Variants in TIMD4 observed in about 807,000 individuals in gnomAD.
The protein encoded by TIMD4 is T-cell immunoglobulin and mucin domain-containing protein 4.
TIMD4 carries 31 observed loss-of-function variants against 41.2 expected under a neutral mutation model. The ratio of observed to expected loss-of-function variants is 0.75; its 90% confidence interval spans 0.57 to 1.01. TIMD4 has a LOEUF of 1.01. Ranked by LOEUF, TIMD4 falls within the 50% of genes least tolerant of loss-of-function variation. TIMD4 has a pLI of 0.00. For synonymous variants in TIMD4, 204 were observed against 177.1 expected, an observed-to-expected ratio of 1.15 and a Z score of -1.21; for missense variants, 479 against 472.5, an observed-to-expected ratio of 1.01 and a Z score of -0.13.
intron 5 of TIMD4, among the ~76,000 whole-genome samples, chr5:156,927,571 G>T (rs1444243104): frequency 1.3e-5 from 2 of 152,212 alleles, no homozygotes; most frequent in African/African-American, 4.8e-5. Flanking sequence ...CAGTTAGGAG[G>T]ATAAGGGAAG....
In TIMD4 at chr5:156,954,558, A is replaced by C. The variant is rs533342571; in HGVS notation, c.257T>G (p.Leu86Arg). Residue 86 changes from leucine to arginine, a missense_variant, in exon 2 of 9, where the codon CTT becomes CGT. Coordinates refer to ENST00000274532, the MANE Select transcript of TIMD4 (RefSeq NM_138379.3). ...VTSRKSAKYR[L>R]QGTIPRGDVS... is the part of the protein sequence containing the mutation. The stretch of plus-strand genomic sequence containing the variant: ...ATCACCTCTCGGGATAGTCCCCTGA[A>C]GTCTATATTTTGCTGACTTTCTTGA... 1.2e-6 allele frequency: 2 copies of C among 1,614,228 alleles called. No homozygotes were observed. Among genetic ancestry groups the C allele is most frequent in the Non-Finnish European group, 1.7e-6 (2 of 1,180,034 alleles).
chr5:156,949,798 G>A (rs1185802304), intron 3 of TIMD4, 67 bp from the exon 4 acceptor site: 1 of 934,458 alleles, frequency 1.1e-6, no homozygotes, highest in African/African-American at 1.7e-5. Context: ...GTGGGTGGTG[G>A]GATTTGGGAT....
intron 5 of TIMD4, among the ~76,000 whole-genome samples, chr5:156,945,357 G>A (rs909122866): frequency 6.6e-6 from 1 of 152,192 alleles, no homozygotes; most frequent in African/African-American, 2.4e-5. Context: ...TACATGCAAC[G>A]TGCATGGTGT....
chr5:156,920,487 G>A lies in TIMD4; in HGVS notation c.1029C>T (p.Thr343=), dbSNP rs1435945225. The change falls in exon 8 of 9, where the codon ACC becomes ACT. Residue 343 remains threonine, a synonymous_variant. Transcript: ENST00000274532. ...ACCTTGTGTGTTTCTGCGAACAATA[G>A]GTTTCCATGAGTTTCCCTGAAAAGA... ...AFLLRGKLME[T]YCSQKHTRLD... 1 of 1,614,052 alleles carries A rather than the reference G, an allele frequency of 6.2e-7. No individual in the cohort carries two copies. The highest frequency in any genetic ancestry group is 8.5e-7 in the Non-Finnish European group (1 of 1,179,932).
chr5:156,930,431 TAAC>T (rs1759426643), intron 5 of TIMD4, among the ~76,000 whole-genome samples: 2 of 152,226 alleles, frequency 1.3e-5, no homozygotes, highest in Admixed American at 1.3e-4. Context: ...CCTATACTGT[TAAC>T]AACCTCATTA....
intron 5 of TIMD4, among the ~76,000 whole-genome samples, chr5:156,933,378 C>T (rs771587079): frequency 3.8e-4 from 58 of 152,010 alleles, no homozygotes; most frequent in Middle Eastern, 3.2e-3. Flanking sequence ...ACAAATTAGC[C>T]AGGCATTCTA....
chr5:156,928,800 T>A (rs1759395672), intron 5 of TIMD4, among the ~76,000 whole-genome samples: 1 of 152,186 alleles, frequency 6.6e-6, no homozygotes, highest in Non-Finnish European at 1.5e-5. Flanking sequence ...TCTCTGCAAT[T>A]ATCCCCTAGA....
In TIMD4 at chr5:156,938,137, G is replaced by A. The variant is rs1203989540; in HGVS notation, c.844+10279C>T. On this transcript the variant is annotated intron_variant, in intron 5 of 8. Coordinates refer to ENST00000274532, the MANE Select transcript of TIMD4 (RefSeq NM_138379.3). Reference sequence around the variant, plus strand: ...ATTTTATCTTTACTTTATTAAAATAGTGCAATGTAGGGCAATGAGCTCTAA... The same window carrying A: ...ATTTTATCTTTACTTTATTAAAATAATGCAATGTAGGGCAATGAGCTCTAA... 3.3e-5 allele frequency among the ~76,000 whole-genome samples: 5 copies of A among 152,166 alleles called. No homozygotes were observed. In the East Asian group the frequency reaches 9.6e-4, roughly 29 times the overall value.
intron 1 of TIMD4, among the ~76,000 whole-genome samples, chr5:156,955,134 C>G (rs1759948259): frequency 6.6e-6 from 1 of 152,132 alleles, no homozygotes. Flanking sequence ...CTTGCTTACT[C>G]CTGTGCTCCT....
At chr5:156,946,805 G>A (rs190310004) in intron 5 of TIMD4, among the ~76,000 whole-genome samples, 1 of 151,992 alleles carries the variant, frequency 6.6e-6, no homozygotes. Context: ...TTTTGAGAGT[G>A]ATGCTACATT....
chr5:156,940,331 C>T (rs1435738436), intron 5 of TIMD4, among the ~76,000 whole-genome samples: 1 of 152,240 alleles, frequency 6.6e-6, no homozygotes, highest in Non-Finnish European at 1.5e-5. Context: ...AGCCGCCTGC[C>T]TTGGCCTCCC....
chr5:156,920,410 AT>A, intron 8 of TIMD4, 53 bp downstream of exon 8: 1 of 1,586,850 alleles, frequency 6.3e-7, no homozygotes, highest in Non-Finnish European at 8.7e-7. Context: ...GTAGCTAATC[AT>A]TTGTAACAGC....
chr5:156,961,923 A>G (rs1561557471), intron 1 of TIMD4, among the ~76,000 whole-genome samples: 1 of 151,896 alleles, frequency 6.6e-6, no homozygotes, highest in Non-Finnish European at 1.5e-5. Context: ...CATTTGCAAC[A>G]ACATGGATGG....
chr5:156,932,947 T>C (rs1480624312), intron 5 of TIMD4, among the ~76,000 whole-genome samples: 1 of 151,904 alleles, frequency 6.6e-6, no homozygotes, highest in Non-Finnish European at 1.5e-5. Flanking sequence ...AAGGTTGCAG[T>C]GAGCTGAGAT....
intron 6 of TIMD4, chr5:156,924,461 T>C: frequency 2.0e-6 from 1 of 491,490 alleles, no homozygotes; most frequent in Non-Finnish European, 4.1e-6. Flanking sequence ...CAGGACTGGG[T>C]GTTATTGGTT....
Position 156,951,726 on chromosome 5 carries a change from GGTGGGGCT to G in TIMD4, c.457_464del (p.Ser153HisfsTer64). On this transcript the variant is annotated frameshift_variant, in exon 3 of 9. Coordinates refer to ENST00000274532, the MANE Select transcript of TIMD4 (RefSeq NM_138379.3). LOFTEE classifies it high-confidence loss of function. ...GGGTTGTTGTCATTTGTCGGGTGGT[GGTGGGGCT>G]TGTTGTTGTTGTTCTGCGTGTGGTG... 6.2e-7 allele frequency: 1 copy of G among 1,614,086 alleles called. No homozygotes were observed. The highest frequency in any genetic ancestry group is 1.1e-5 in the South Asian group (1 of 91,066).
chr5:156,961,849 A>AAAAG (rs1753067729), intron 1 of TIMD4, among the ~76,000 whole-genome samples: 2 of 150,358 alleles, frequency 1.3e-5, no homozygotes, highest in African/African-American at 4.9e-5. Flanking sequence ...AAGAAAAAAA[A>AAAAG]AAAGAAAATG....
intron 5 of TIMD4, among the ~76,000 whole-genome samples, chr5:156,929,287 G>A (rs1486970937): frequency 6.6e-6 from 1 of 152,150 alleles, no homozygotes. Flanking sequence ...TGTACATTGA[G>A]ACAAAGGCAG....
intron 6 of TIMD4, among the ~76,000 whole-genome samples, chr5:156,923,960 C>T (rs1219811727): frequency 1.3e-5 from 2 of 152,076 alleles, no homozygotes; most frequent in African/African-American, 4.8e-5. Flanking sequence ...ACCCCAGCCT[C>T]CCAAAGTAGC....
Sources: gnomAD v4.1 joint callset for allele counts (sites outside exome capture counted in the v4.1 genomes callset) on GRCh38, gnomAD v4.1.1 for gene constraint, MANE v1.5 for transcripts, NCBI Gene and HGNC (gene_info 2026-07-23, HGNC 2026-07-21) for gene names.